Variants in TMEM117 observed in about 807,000 individuals in gnomAD.
TMEM117 encodes the protein transmembrane protein 117.
A neutral mutation model predicts 52.4 loss-of-function variants in TMEM117; 27 were observed. The ratio of observed to expected loss-of-function variants is 0.51; its 90% confidence interval spans 0.38 to 0.71. The LOEUF is 0.71. Among genes scored for constraint, TMEM117 ranks in the 30% least tolerant of loss-of-function variants. The pLI is 0.00. For synonymous variants in TMEM117, 215 were observed against 206.3 expected (o/e 1.04, Z -0.36); for missense variants, 556 against 630.5 (o/e 0.88, Z 1.26).
intron 4 of TMEM117, among the ~76,000 whole-genome samples, chr12:44,152,875 C>A (rs921183295): frequency 2.1e-5 from 3 of 143,594 alleles, no homozygotes; most frequent in African/African-American, 7.7e-5. Flanking sequence ...TTTATGGAAC[C>A]ATTTTGACCT....
chr12:43,999,247 C>G (rs887131479), intron 3 of TMEM117, among the ~76,000 whole-genome samples: 3 of 152,140 alleles, frequency 2.0e-5, no homozygotes, highest in Admixed American at 6.5e-5. Context: ...TAAGAATTCA[C>G]TGAGTTTTAC....
chr12:44,374,258 G>C (rs2138844662), intron 6 of TMEM117, among the ~76,000 whole-genome samples: 1 of 152,240 alleles, frequency 6.6e-6, no homozygotes, highest in Admixed American at 6.5e-5. Flanking sequence ...GTAGTAGAGA[G>C]AGAGAATGGA....
intron 2 of TMEM117, among the ~76,000 whole-genome samples, chr12:43,909,080 T>C (rs1466300270): frequency 1.6e-5 from 1 of 62,654 alleles, no homozygotes; most frequent in Non-Finnish European, 5.1e-5. Flanking sequence ...ATTCCAAAAT[T>C]GACCACATAG....
chr12:44,219,894 G>T (rs1949766010), intron 5 of TMEM117, among the ~76,000 whole-genome samples: 1 of 152,010 alleles, frequency 6.6e-6, no homozygotes, highest in Admixed American at 6.6e-5. Context: ...TATAATTCTG[G>T]GTAGTCTATT....
chr12:44,377,584 G>A (rs185843542), intron 7 of TMEM117, among the ~76,000 whole-genome samples: 5 of 152,266 alleles, frequency 3.3e-5, no homozygotes, highest in South Asian at 2.1e-4. Context: ...CCGGAGCTAC[G>A]TTTTATATCT....
intron 5 of TMEM117, among the ~76,000 whole-genome samples, chr12:44,218,752 A>G (rs930476200): frequency 5.3e-5 from 8 of 152,216 alleles, no homozygotes; most frequent in African/African-American, 1.4e-4. Context: ...AAGTCTCCTT[A>G]TAATCTCCTT....
chr12:44,153,820 G>T lies in TMEM117; in HGVS notation c.510+10196G>T, dbSNP rs577811029. Among the ~76,000 whole-genome samples, 3 of 152,074 alleles carry T rather than the reference G, an allele frequency of 2.0e-5. No individual in the cohort carries two copies. The South Asian group carries it at 6.2e-4, about 32-fold the overall frequency. ...TTTAACCATATTTAGTTAAACATCA[G>T]AAAGAGATTTATAGCAATGAAGTAT... On this transcript the variant is annotated intron_variant, in intron 4 of 7. Transcript: ENST00000266534.
chr12:44,380,310 A>G (rs567822441), intron 7 of TMEM117, among the ~76,000 whole-genome samples: 32 of 152,254 alleles, frequency 2.1e-4, no homozygotes, highest in Admixed American at 7.2e-4. Flanking sequence ...GAGTGACCAC[A>G]GAGGAAGCTG....
rs528883604 is a variant in TMEM117, at chr12:44,154,804, T to TA, written c.510+11180_510+11181insA. ...CCTTGTTTTGATTATATGATTTTTT[T>TA]TAAAAAAAATAAGCAGAATATTCCT... On this transcript the variant is annotated intron_variant, in intron 4 of 7. Coordinates refer to ENST00000266534, the MANE Select transcript of TMEM117 (RefSeq NM_032256.3). Among the ~76,000 whole-genome samples the TA allele has an allele frequency of 6.8e-3, 1,026 of 151,552 alleles. 14 individuals carry two copies. The highest frequency in any genetic ancestry group is 0.024 in the African/African-American group (977 of 41,110).
Position 44,118,398 on chromosome 12 carries a change from T to C in TMEM117, c.411-25127T>C, listed in dbSNP as rs537723876. On this transcript the variant is annotated intron_variant, in intron 3 of 7. Transcript: ENST00000266534. The stretch of plus-strand genomic sequence containing the variant: ...TCAGCTTTAGAAAGCAGGGGAAGGA[T>C]GGAAAGAAGAGGAAGTGATATTGGA... Among the ~76,000 whole-genome samples, 238 of 152,184 alleles carry C rather than the reference T, an allele frequency of 1.6e-3. 1 individual carries two copies. Among genetic ancestry groups the C allele is most frequent in the Non-Finnish European group, 1.9e-3 (132 of 68,008 alleles).
chr12:43,912,047 C>T (rs1275989239), intron 2 of TMEM117, among the ~76,000 whole-genome samples: 7 of 127,632 alleles, frequency 5.5e-5, no homozygotes, highest in East Asian at 4.9e-4. Flanking sequence ...CACATGCACA[C>T]GTATGTTTAT....
intron 5 of TMEM117, among the ~76,000 whole-genome samples, chr12:44,223,989 C>A (rs1186570868): frequency 6.6e-6 from 1 of 152,132 alleles, no homozygotes; most frequent in African/African-American, 2.4e-5. Context: ...ATTTTATTAA[C>A]TCTGTGTGGG....
At chr12:43,826,741 T>A in the TMEM117 span, among the ~76,000 whole-genome samples, 1 of 152,144 alleles carries the variant, frequency 6.6e-6, no homozygotes, top group South Asian at 2.1e-4. Flanking sequence ...AAGAGAGGAG[T>A]AAGAGAGCTG....
intron 6 of TMEM117, among the ~76,000 whole-genome samples, chr12:44,341,001 A>C (rs1206847244): frequency 6.6e-6 from 1 of 151,836 alleles, no homozygotes; most frequent in Admixed American, 6.6e-5. Flanking sequence ...TTCTGTGTCC[A>C]AGTGTACACA....
intron 3 of TMEM117, among the ~76,000 whole-genome samples, chr12:43,951,296 G>A (rs991724093): frequency 1.2e-4 from 18 of 152,316 alleles, no homozygotes; most frequent in Admixed American, 3.3e-4. Flanking sequence ...AGACGCAAGC[G>A]TCCACTCCTT....
At chr12:43,937,040 A>T (rs1265262401) in intron 2 of TMEM117, among the ~76,000 whole-genome samples, 1 of 152,066 alleles carries the variant, frequency 6.6e-6, no homozygotes, top group Non-Finnish European at 1.5e-5. Context: ...CCAAGAGAGG[A>T]GGGGGTGTGG....
chr12:43,832,916 T>G (rs538205856), upstream of TMEM117, among the ~76,000 whole-genome samples: 1 of 152,334 alleles, frequency 6.6e-6, no homozygotes, highest in East Asian at 1.9e-4. Flanking sequence ...TTCAATAAGT[T>G]GAGCTTTTGT....
At chr12:43,887,157 A>G (rs1317931020) in intron 2 of TMEM117, among the ~76,000 whole-genome samples, 1 of 152,054 alleles carries the variant, frequency 6.6e-6, no homozygotes, top group Non-Finnish European at 1.5e-5. Context: ...CCTGGGCCTC[A>G]CTTATTTTCA....
chr12:44,193,601 A>AC (rs1949382871), intron 4 of TMEM117, among the ~76,000 whole-genome samples: 1 of 152,286 alleles, frequency 6.6e-6, no homozygotes, highest in Non-Finnish European at 1.5e-5. Context: ...TCACTGAAAA[A>AC]GCAAAAAACT....
Sources: allele counts gnomAD v4.1 joint callset (sites outside exome capture counted in the v4.1 genomes callset), GRCh38; gene constraint gnomAD v4.1.1; transcripts MANE v1.5; gene names NCBI Gene and HGNC (gene_info 2026-07-23, HGNC 2026-07-21).